The following PCDH15 variants were observed in gnomAD, a reference collection of about 807,000 sequenced individuals.
PCDH15 encodes protocadherin-15.
In PCDH15, 129 loss-of-function variants were observed where a neutral mutation model predicts 178.5. The ratio of observed to expected loss-of-function variants is 0.72; its 90% confidence interval spans 0.63 to 0.84. The LOEUF (loss-of-function observed/expected upper bound fraction) is 0.84, where lower values mean the gene tolerates loss of function less well. Among genes scored for constraint, PCDH15 ranks in the 40% least tolerant of loss-of-function variants. The pLI, the probability that PCDH15 is intolerant of heterozygous loss-of-function variation, is 0.00. For synonymous variants in PCDH15, 800 were observed against 732.0 expected, an observed-to-expected ratio of 1.09 and a Z score of -1.50; for missense variants, 2,230 against 2,099.9, an observed-to-expected ratio of 1.06 and a Z score of -1.21.
chr10:53,930,457 CAAAAAAAAAA>C (rs60673116), intron 25 of PCDH15, among the ~76,000 whole-genome samples: 5 of 50,334 alleles, frequency 9.9e-5, no homozygotes, highest in African/African-American at 3.2e-4. Context: ...GACTCCCTCT[CAAAAAAAAAA>C]AAAAAAAAAA....
chr10:54,766,393 T>G (rs1355031903), intron 1 of PCDH15, among the ~76,000 whole-genome samples: 1 of 152,144 alleles, frequency 6.6e-6, no homozygotes, highest in Non-Finnish European at 1.5e-5. Flanking sequence ...AATTTCTTAC[T>G]TGATGCTTCT....
chr10:54,731,538 T>TGA (rs1943336780), intron 1 of PCDH15, among the ~76,000 whole-genome samples: 1 of 15,024 alleles, frequency 6.7e-5, no homozygotes, highest in African/African-American at 1.9e-4. Flanking sequence ...AAAGAAAATG[T>TGA]GAGATAGATA....
intron 2 of PCDH15, among the ~76,000 whole-genome samples, chr10:54,982,966 G>A (rs1315878048): frequency 6.6e-6 from 1 of 151,874 alleles, no homozygotes; most frequent in East Asian, 1.9e-4. Flanking sequence ...TGAGTAATTT[G>A]ACCCCCCAAA....
chr10:55,163,682 A>G (rs1021840911), intron 2 of PCDH15, among the ~76,000 whole-genome samples: 3 of 152,144 alleles, frequency 2.0e-5, no homozygotes, highest in Admixed American at 1.3e-4. Context: ...GGTCATCCTC[A>G]GTAGTCATTA....
chr10:54,000,557 G>GT (rs1441382067), intron 20 of PCDH15, among the ~76,000 whole-genome samples: 2 of 151,958 alleles, frequency 1.3e-5, no homozygotes, highest in Non-Finnish European at 1.5e-5. Flanking sequence ...GAATGCATCA[G>GT]TTTTTTAATA....
chr10:54,313,448 G>A (rs1337559479), intron 8 of PCDH15, among the ~76,000 whole-genome samples: 3 of 151,424 alleles, frequency 2.0e-5, no homozygotes, highest in South Asian at 2.1e-4. Flanking sequence ...CCAAAAATTT[G>A]CCCATACTCT....
chr10:53,940,155 A>G (rs1323373551), intron 24 of PCDH15, among the ~76,000 whole-genome samples: 2 of 151,886 alleles, frequency 1.3e-5, no homozygotes, highest in Non-Finnish European at 2.9e-5. Flanking sequence ...TATATTAACT[A>G]TTTCCTGACT....
intron 33 of PCDH15, among the ~76,000 whole-genome samples, chr10:53,819,563 C>G (rs1054770435): frequency 6.6e-6 from 1 of 151,914 alleles, no homozygotes; most frequent in Non-Finnish European, 1.5e-5. Context: ...TATTTTATAT[C>G]ATGTATATGT....
chr10:54,480,305 A>G (rs1166312027), intron 3 of PCDH15, among the ~76,000 whole-genome samples: 1 of 152,092 alleles, frequency 6.6e-6, no homozygotes, highest in African/African-American at 2.4e-5. Context: ...GGAGACATTT[A>G]GTAGTTAAGA....
At chr10:55,355,297 T>C (rs1359508463) in intron 2 of PCDH15, among the ~76,000 whole-genome samples, 2 of 152,014 alleles carry the variant, frequency 1.3e-5, no homozygotes, top group East Asian at 1.9e-4. Flanking sequence ...CTCGGTCACA[T>C]AGAAAGAGTA....
chr10:55,288,082 A>T (rs1375423746), intron 1 of PCDH15, among the ~76,000 whole-genome samples: 1 of 150,076 alleles, frequency 6.7e-6, no homozygotes, highest in African/African-American at 2.4e-5. Flanking sequence ...ATATTAATTT[A>T]TATATATATG....
intron 18 of PCDH15, among the ~76,000 whole-genome samples, chr10:54,059,211 T>C (rs563012296): frequency 7.9e-5 from 12 of 152,334 alleles, no homozygotes; most frequent in Admixed American, 5.2e-4. Flanking sequence ...TTTCCATTCA[T>C]ATTGCTACAA....
intron 2 of PCDH15, among the ~76,000 whole-genome samples, chr10:55,113,674 GC>G (rs1261489964): frequency 6.6e-6 from 1 of 152,072 alleles, no homozygotes; most frequent in Non-Finnish European, 1.5e-5. Context: ...AATTCCAGGG[GC>G]TAATCTTGAA....
chr10:54,645,341 A>G (rs778535693), intron 2 of PCDH15, among the ~76,000 whole-genome samples: 52 of 152,236 alleles, frequency 3.4e-4, no homozygotes, highest in Non-Finnish European at 4.1e-4. Context: ...GAAATGGTAA[A>G]TAGAAAAGTG....
intron 2 of PCDH15, among the ~76,000 whole-genome samples, chr10:55,431,809 A>T (rs1838885806): frequency 6.6e-6 from 1 of 152,056 alleles, no homozygotes. Flanking sequence ...CATCCCCATT[A>T]AAAATAGCCC....
At chr10:54,081,943 C>T (rs1294445865) in intron 16 of PCDH15, among the ~76,000 whole-genome samples, 1 of 152,068 alleles carries the variant, frequency 6.6e-6, no homozygotes, top group Non-Finnish European at 1.5e-5. Context: ...GGAAAACAGT[C>T]ACAGGTTTAT....
chr10:54,530,157 T>C (rs1275539577), intron 2 of PCDH15, among the ~76,000 whole-genome samples: 1 of 152,148 alleles, frequency 6.6e-6, no homozygotes, highest in Non-Finnish European at 1.5e-5. Context: ...AAATAATATC[T>C]TCATATTCCA....
intron 2 of PCDH15, among the ~76,000 whole-genome samples, chr10:55,048,447 ATAAT>A (rs1241819865): frequency 6.6e-6 from 1 of 151,946 alleles, no homozygotes; most frequent in African/African-American, 2.4e-5. Context: ...GATAGATAAA[ATAAT>A]TAATAAACCA....
intron 2 of PCDH15, among the ~76,000 whole-genome samples, chr10:55,132,809 T>G (rs1591928399): frequency 6.6e-6 from 1 of 152,308 alleles, no homozygotes; most frequent in South Asian, 2.1e-4. Flanking sequence ...ACTCTACATA[T>G]TTTGGTTAAG....
Sources: gnomAD v4.1 joint callset for allele counts (sites outside exome capture counted in the v4.1 genomes callset) on GRCh38, gnomAD v4.1.1 for gene constraint, MANE v1.5 for transcripts, NCBI Gene and HGNC (gene_info 2026-07-23, HGNC 2026-07-21) for gene names.